Variants in GPC6 observed in about 807,000 individuals in gnomAD.
GPC6 encodes glypican 6, also known as glypican-6.
A neutral mutation model predicts 55.2 loss-of-function variants in GPC6; 14 were observed. The ratio of observed to expected loss-of-function variants is 0.25; its 90% confidence interval spans 0.17 to 0.40. GPC6 has a LOEUF of 0.40. Ranked by LOEUF, GPC6 falls within the 10% of genes least tolerant of loss-of-function variation. The probability of loss-of-function intolerance (pLI) is 1.00; values close to 1 mark genes in which losing one functional copy is unlikely to be tolerated. For missense variants in GPC6, 641 were observed against 708.5 expected (o/e 0.90, Z 1.08); for synonymous variants, 278 against 259.6 (o/e 1.07, Z -0.68).
intron 2 of GPC6, among the ~76,000 whole-genome samples, chr13:93,794,419 C>T (rs1886138036): frequency 6.6e-6 from 1 of 152,182 alleles, no homozygotes; most frequent in African/African-American, 2.4e-5. Flanking sequence ...GTGATTCTGA[C>T]CAAGTTTGAG....
At chr13:94,339,393 CCCTT>C (rs1394620174) in intron 6 of GPC6, among the ~76,000 whole-genome samples, 9 of 152,118 alleles carry the variant, frequency 5.9e-5, no homozygotes, top group Admixed American at 1.3e-4. Flanking sequence ...CCTAATCACT[CCCTT>C]CCTAACACCC....
At chr13:94,254,245 G>A (rs1891438945) in intron 4 of GPC6, among the ~76,000 whole-genome samples, 1 of 152,108 alleles carries the variant, frequency 6.6e-6, no homozygotes, top group South Asian at 2.1e-4. Context: ...TTGCCAAAAA[G>A]CCTATGACCT....
intron 7 of GPC6, among the ~76,000 whole-genome samples, chr13:94,389,856 G>A (rs1019136567): frequency 6.6e-6 from 1 of 152,198 alleles, no homozygotes; most frequent in Non-Finnish European, 1.5e-5. Flanking sequence ...GCAGTGTTGA[G>A]CTTTCACTGT....
At chr13:93,679,234 C>T (rs959567787) in intron 2 of GPC6, among the ~76,000 whole-genome samples, 4 of 152,090 alleles carry the variant, frequency 2.6e-5, no homozygotes, top group African/African-American at 9.6e-5. Context: ...GAGAAAATGC[C>T]CTCTAATGGT....
chr13:94,015,952 ACTAT>A (rs1442619178), intron 3 of GPC6, among the ~76,000 whole-genome samples: 5 of 151,988 alleles, frequency 3.3e-5, no homozygotes, highest in Admixed American at 1.3e-4. Flanking sequence ...ATTGTTGTTA[ACTAT>A]CTACACATTG....
At position 93,435,166 on chromosome 13, in the gene GPC6, G is replaced by A. The variant is rs111497802; in HGVS notation, c.161-110097G>A. On this transcript the variant is annotated intron_variant, in intron 1 of 8. Transcript: ENST00000377047. ...GTCTCACTCTTTCACCCAGGCTGGA[G>A]TGCAGTGGTGCAGCCATAGCTCACT... Among the ~76,000 whole-genome samples, 65 of 152,240 alleles carry A rather than the reference G, an allele frequency of 4.3e-4. 3 individuals are homozygous for A. Among genetic ancestry groups the A allele is most frequent in the African/African-American group, 1.6e-3 (65 of 41,544 alleles).
chr13:93,249,909 A>T (rs149438561), intron 1 of GPC6, among the ~76,000 whole-genome samples: 1 of 152,284 alleles, frequency 6.6e-6, no homozygotes, highest in African/African-American at 2.4e-5. Context: ...CTTCTTGCTC[A>T]TATAACCTGT....
the GPC6 span, among the ~76,000 whole-genome samples, chr13:93,220,703 C>T: frequency 3.3e-5 from 5 of 152,092 alleles, no homozygotes; most frequent in African/African-American, 9.7e-5. Flanking sequence ...GCCAGTAGTA[C>T]ATTTGTCAAG....
At chr13:94,355,025 TTC>T (rs1380061350) in intron 6 of GPC6, among the ~76,000 whole-genome samples, 1 of 110,248 alleles carries the variant, frequency 9.1e-6, no homozygotes, top group Non-Finnish European at 2.0e-5. Context: ...CCAGTGGCTC[TTC>T]TTTTTTTTTT....
Position 93,933,655 on chromosome 13 carries a change from A to G in GPC6, c.712-94074A>G, listed in dbSNP as rs1162554320. Among the ~76,000 whole-genome samples the G allele has an allele frequency of 2.6e-5, 4 of 152,328 alleles. No homozygotes were observed. In the East Asian group the frequency reaches 7.7e-4, roughly 29 times the overall value. The stretch of plus-strand genomic sequence containing the variant: ...AAATCCTTAGAAGAATGGTTGGCAT[A>G]TATTCAATAATGTTAGTTCTTGTTA... On this transcript the variant is annotated intron_variant, in intron 3 of 8. Coordinates refer to ENST00000377047, the MANE Select transcript of GPC6 (RefSeq NM_005708.5).
chr13:93,596,308 AC>A (rs1420705471), intron 2 of GPC6, among the ~76,000 whole-genome samples: 1 of 152,090 alleles, frequency 6.6e-6, no homozygotes, highest in African/African-American at 2.4e-5. Context: ...AATATAGGAT[AC>A]AGAGCAAAGA....
chr13:93,891,169 G>A (rs1168569392), intron 3 of GPC6, among the ~76,000 whole-genome samples: 2 of 152,040 alleles, frequency 1.3e-5, no homozygotes, highest in African/African-American at 2.4e-5. Flanking sequence ...TTACTTTAAT[G>A]TTCACAGTGT....
At chr13:93,259,995 T>G (rs1007299139) in intron 1 of GPC6, among the ~76,000 whole-genome samples, 1 of 152,130 alleles carries the variant, frequency 6.6e-6, no homozygotes, top group Non-Finnish European at 1.5e-5. Context: ...ATGGCTTAGT[T>G]CTAGGCATTG....
chr13:93,909,621 C>A (rs1594579489), intron 3 of GPC6, among the ~76,000 whole-genome samples: 1 of 152,106 alleles, frequency 6.6e-6, no homozygotes, highest in Non-Finnish European at 1.5e-5. Flanking sequence ...AAGTTGCTGA[C>A]CCCTCTTAAG....
chr13:93,671,477 G>C (rs986662547), intron 2 of GPC6, among the ~76,000 whole-genome samples: 2 of 152,046 alleles, frequency 1.3e-5, no homozygotes, highest in African/African-American at 2.4e-5. Context: ...CTGAAAAGCT[G>C]TTCTGTTGTA....
chr13:93,598,272 A>G (rs1260360990), intron 2 of GPC6, among the ~76,000 whole-genome samples: 3 of 152,222 alleles, frequency 2.0e-5, no homozygotes, highest in Admixed American at 1.3e-4. Flanking sequence ...TAACACATCG[A>G]GTCCAGGCTT....
At chr13:93,496,419 C>G (rs112840172) in intron 1 of GPC6, among the ~76,000 whole-genome samples, 23,850 of 152,132 alleles carry the variant, frequency 0.16, 2,375 homozygotes, top group Middle Eastern at 0.26. Flanking sequence ...GTCTGGCACT[C>G]CCTAGGGAGA....
intron 3 of GPC6, among the ~76,000 whole-genome samples, chr13:93,990,621 C>G (rs1000210471): frequency 4.6e-5 from 7 of 151,836 alleles, no homozygotes; most frequent in African/African-American, 4.8e-5. Flanking sequence ...CTTTGGGAGG[C>G]TGAGGTAGGA....
rs1434722481 is a variant in GPC6 at position 93,923,483 on chromosome 13, A to G, written c.711+92938A>G. On this transcript the variant is annotated intron_variant, in intron 3 of 8. Coordinates refer to ENST00000377047, the MANE Select transcript of GPC6 (RefSeq NM_005708.5). ...TACTTTCATTCAGTTACAGAAAAAT[A>G]AAGCAAAAAAAAAAAATTTAACTAC... Among the ~76,000 whole-genome samples, 3 of 42,232 alleles carry G rather than the reference A, an allele frequency of 7.1e-5. No individual in the cohort carries two copies. The East Asian group carries it at 1.7e-3, about 23-fold the overall frequency. The allele number at this position is 42,232 out of a possible 152,430, so 27.7% of individuals were successfully genotyped here.
Sources: gnomAD v4.1 joint callset for allele counts (sites outside exome capture counted in the v4.1 genomes callset) on GRCh38, gnomAD v4.1.1 for gene constraint, MANE v1.5 for transcripts, NCBI Gene and HGNC (gene_info 2026-07-23, HGNC 2026-07-21) for gene names.